ALCAM: variants seen among roughly 807,000 people sequenced by gnomAD.
ALCAM encodes the protein CD166 antigen.
Under a neutral mutation model 70.9 loss-of-function variants are expected in ALCAM, and 30 were observed. The ratio of observed to expected loss-of-function variants is 0.42; its 90% CI spans 0.32 to 0.57. The LOEUF (loss-of-function observed/expected upper bound fraction) is 0.57, where lower values mean the gene tolerates loss of function less well. Among genes scored for constraint, ALCAM ranks in the 20% least tolerant of loss-of-function variants. The pLI, the probability that ALCAM is intolerant of heterozygous loss-of-function variation, is 0.11. For synonymous variants in ALCAM, 249 were observed against 242.5 expected (o/e 1.03, Z -0.25); for missense variants, 591 against 695.1 (o/e 0.85, Z 1.68).
At chr3:105,463,872 A>G (rs1301467748) in intron 1 of ALCAM, among the ~76,000 whole-genome samples, 1 of 151,468 alleles carries the variant, frequency 6.6e-6, no homozygotes, top group Non-Finnish European at 1.5e-5. Context: ...GCAATTTCCT[A>G]GGAACTGCAG....
intron 14 of ALCAM, among the ~76,000 whole-genome samples, chr3:105,567,450 C>T (rs1428296914): frequency 6.6e-6 from 1 of 151,920 alleles, no homozygotes; most frequent in Non-Finnish European, 1.5e-5. Context: ...TTTTCCACTG[C>T]CCTGGACTCC....
chr3:105,467,674 T>C (rs1937786052), intron 1 of ALCAM, among the ~76,000 whole-genome samples: 1 of 151,218 alleles, frequency 6.6e-6, no homozygotes. Context: ...TCAGAAGTGA[T>C]TAGGGTGTGG....
chr3:105,367,444 C>A lies in ALCAM; in HGVS notation c.36C>A (p.Leu12=). 1 of 1,614,038 alleles carries A rather than the reference C, an allele frequency of 6.2e-7. No individual in the cohort carries two copies. Among genetic ancestry groups the A allele is most frequent in the South Asian group, 1.1e-5 (1 of 91,080 alleles). ...ESKGASSCRL[L]FCLLISATVF... ...AGGGGGCCAGTTCCTGCCGTCTGCT[C>A]TTCTGCCTCTTGATCTCCGCCACCG... is the stretch of plus-strand genomic sequence containing the variant. The change falls in exon 1 of 16, where the codon CTC becomes CTA. Residue 12 remains leucine (L), a synonymous_variant. Coordinates refer to ENST00000306107, the MANE Select transcript of ALCAM (RefSeq NM_001627.4).
chr3:105,513,020 T>C (rs1190615114), intron 1 of ALCAM, among the ~76,000 whole-genome samples: 1 of 151,864 alleles, frequency 6.6e-6, no homozygotes, highest in African/African-American at 2.4e-5. Flanking sequence ...ATAGAGGCGA[T>C]TGTTCTTTTT....
intron 1 of ALCAM, among the ~76,000 whole-genome samples, chr3:105,377,980 T>A (rs2107327963): frequency 6.6e-6 from 1 of 152,156 alleles, no homozygotes; most frequent in East Asian, 1.9e-4. Flanking sequence ...ACTTCAGTTA[T>A]TTTTAAGTAA....
At chr3:105,490,111 T>A (rs1938541760) in intron 1 of ALCAM, among the ~76,000 whole-genome samples, 1 of 152,252 alleles carries the variant, frequency 6.6e-6, no homozygotes. Context: ...GTATTATGTC[T>A]TAGGCTGCAA....
At chr3:105,525,708 T>C (rs1301446178) in intron 3 of ALCAM, among the ~76,000 whole-genome samples, 2 of 152,198 alleles carry the variant, frequency 1.3e-5, no homozygotes, top group African/African-American at 4.8e-5. Context: ...TCCTATGGGC[T>C]CATGATGCAG....
chr3:105,456,950 A>G (rs1937541905), intron 1 of ALCAM, among the ~76,000 whole-genome samples: 1 of 152,192 alleles, frequency 6.6e-6, no homozygotes, highest in South Asian at 2.1e-4. Flanking sequence ...TATGTAGCAC[A>G]TGCAAAGTTT....
chr3:105,523,650 G>T (rs2152624077), intron 2 of ALCAM, among the ~76,000 whole-genome samples: 1 of 152,286 alleles, frequency 6.6e-6, no homozygotes, highest in East Asian at 1.9e-4. Context: ...TTATTTTGGT[G>T]ATGTTTTTGT....
At chr3:105,519,801 T>C (rs904709420) in intron 1 of ALCAM, among the ~76,000 whole-genome samples, 3 of 152,180 alleles carry the variant, frequency 2.0e-5, no homozygotes, top group Non-Finnish European at 2.9e-5. Flanking sequence ...CACTTACCTG[T>C]TCTCTAGTAA....
chr3:105,492,265 C>CGG (rs556062683), intron 1 of ALCAM, among the ~76,000 whole-genome samples: 79 of 152,260 alleles, frequency 5.2e-4, no homozygotes, highest in African/African-American at 1.8e-3. Context: ...TACTTCCCAC[C>CGG]GGGTCCCTCC....
At chr3:105,369,113 C>T (rs1191664998) in intron 1 of ALCAM, among the ~76,000 whole-genome samples, 1 of 152,168 alleles carries the variant, frequency 6.6e-6, no homozygotes, top group Admixed American at 6.5e-5. Flanking sequence ...CGGTTTGTAA[C>T]ATGCAAACGT....
At chr3:105,500,445 C>T (rs1056362867) in intron 1 of ALCAM, among the ~76,000 whole-genome samples, 2 of 152,202 alleles carry the variant, frequency 1.3e-5, no homozygotes, top group Admixed American at 1.3e-4. Context: ...TCCTTTCCAA[C>T]TTCAGCAACT....
intron 1 of ALCAM, among the ~76,000 whole-genome samples, chr3:105,428,999 A>T (rs1485795962): frequency 6.6e-6 from 1 of 152,000 alleles, no homozygotes; most frequent in Non-Finnish European, 1.5e-5. Flanking sequence ...TACAGGAAAA[A>T]AATCAAACAA....
intron 1 of ALCAM, among the ~76,000 whole-genome samples, chr3:105,429,313 T>C (rs980149429): frequency 6.6e-6 from 1 of 151,976 alleles, no homozygotes; most frequent in Admixed American, 6.6e-5. Flanking sequence ...ATGAGAAGCA[T>C]GTTTTATTAA....
chr3:105,462,901 T>G (rs1007080593), intron 1 of ALCAM, among the ~76,000 whole-genome samples: 5 of 151,396 alleles, frequency 3.3e-5, no homozygotes, highest in African/African-American at 1.2e-4. Flanking sequence ...CTTATCCAGG[T>G]AGTTTTCCAA....
chr3:105,515,601 A>G (rs1217455415), intron 1 of ALCAM, among the ~76,000 whole-genome samples: 1 of 151,998 alleles, frequency 6.6e-6, no homozygotes, highest in Non-Finnish European at 1.5e-5. Context: ...TTTGGCTGTC[A>G]TAACTGGGGG....
At chr3:105,416,220 G>C (rs1311886112) in intron 1 of ALCAM, among the ~76,000 whole-genome samples, 1 of 151,946 alleles carries the variant, frequency 6.6e-6, no homozygotes. Context: ...TAGTCATTAG[G>C]ATGTCTCTGT....
chr3:105,468,056 G>A (rs1937799969), intron 1 of ALCAM, among the ~76,000 whole-genome samples: 1 of 151,200 alleles, frequency 6.6e-6, no homozygotes, highest in South Asian at 2.1e-4. Context: ...GTGGGATGAA[G>A]GCAATAAAAT....
Sources: gnomAD v4.1 joint callset for allele counts (sites outside exome capture counted in the v4.1 genomes callset) on GRCh38, gnomAD v4.1.1 for gene constraint, MANE v1.5 for transcripts, NCBI Gene and HGNC (gene_info 2026-07-23, HGNC 2026-07-21) for gene names.